WWOX: variants seen among roughly 807,000 people sequenced by gnomAD.
The protein encoded by WWOX is WW domain-containing oxidoreductase.
WWOX carries 69 observed loss-of-function variants against 46.2 expected under a neutral mutation model. The ratio of observed to expected loss-of-function variants is 1.49; its 90% confidence interval spans 1.23 to 1.82. The LOEUF (loss-of-function observed/expected upper bound fraction) is 1.82. Ranked by LOEUF, WWOX falls within the 40% of genes most tolerant of loss-of-function variation. WWOX has a pLI of 0.00. For missense variants in WWOX, 919 were observed against 542.6 expected (o/e 1.69, Z -6.89); for synonymous variants, 359 against 202.6 (o/e 1.77, Z -6.56).
intron 8 of WWOX, among the ~76,000 whole-genome samples, chr16:78,581,830 A>G (rs754063005): frequency 2.0e-5 from 3 of 152,186 alleles, no homozygotes; most frequent in Non-Finnish European, 2.9e-5. Flanking sequence ...AGTTGATTTC[A>G]TATCCTTTTA....
chr16:79,008,857 G>A (rs181886483), intron 8 of WWOX, among the ~76,000 whole-genome samples: 1 of 151,506 alleles, frequency 6.6e-6, no homozygotes, highest in East Asian at 2.0e-4. Flanking sequence ...AGGTGGCAGG[G>A]CCTTTAATTG....
chr16:79,010,616 T>C (rs998585735), intron 8 of WWOX, among the ~76,000 whole-genome samples: 1 of 151,966 alleles, frequency 6.6e-6, no homozygotes, highest in African/African-American at 2.4e-5. Context: ...GGGAGTGGTA[T>C]GAAACAAATC....
chr16:78,789,727 A>G (rs903562852), intron 8 of WWOX, among the ~76,000 whole-genome samples: 4 of 152,210 alleles, frequency 2.6e-5, no homozygotes, highest in African/African-American at 9.6e-5. Context: ...TTGAACAGTC[A>G]TCAGCTCTTG....
intron 8 of WWOX, among the ~76,000 whole-genome samples, chr16:78,730,224 GTC>G (rs1484191501): frequency 1.3e-5 from 2 of 152,026 alleles, no homozygotes; most frequent in East Asian, 1.9e-4. Flanking sequence ...CCCAAAAAGC[GTC>G]TCTGTCAGGA....
At chr16:78,419,964 G>T (rs1344248564) in intron 6 of WWOX, among the ~76,000 whole-genome samples, 1 of 152,022 alleles carries the variant, frequency 6.6e-6, no homozygotes, top group East Asian at 1.9e-4. Context: ...TAAAAAATGA[G>T]CATAAGATCT....
chr16:78,722,572 C>T (rs1351349927), intron 8 of WWOX, among the ~76,000 whole-genome samples: 9 of 152,038 alleles, frequency 5.9e-5, no homozygotes, highest in Admixed American at 5.9e-4. Context: ...TCTGCCCCTC[C>T]AGTAGCTGTA....
chr16:78,700,018 G>A (rs1423493823), intron 8 of WWOX, among the ~76,000 whole-genome samples: 5 of 151,984 alleles, frequency 3.3e-5, no homozygotes, highest in African/African-American at 1.2e-4. Context: ...TCCTGCGGTG[G>A]GTGGATACTT....
Position 78,422,760 on chromosome 16 carries a change from C to CACATAT in WWOX, c.606-2109_606-2108insCATATA, listed in dbSNP as rs1454124600. On this transcript the variant is annotated intron_variant, in intron 6 of 8. Coordinates refer to ENST00000566780, the MANE Select transcript of WWOX (RefSeq NM_016373.4). Reference sequence around the variant, plus strand: ...ACACATATATATACACATATATACACATATATATACACACATATATATATA... The same window carrying CACATAT: ...ACACATATATATACACATATATACACACATATATATATATACACACATATATATATA... Among the ~76,000 whole-genome samples, 807 of 113,844 alleles carry CACATAT rather than the reference C, an allele frequency of 7.1e-3. 52 individuals carry two copies. The highest frequency in any genetic ancestry group is 0.038 in the African/African-American group (737 of 19,312). The allele number at this position is 113,844 out of a possible 152,430, so 74.7% of individuals were successfully genotyped here. A position where few individuals can be genotyped will look rare whatever the true frequency, so the allele number is the denominator to read the frequency against.
chr16:78,419,627 A>G lies in WWOX; in HGVS notation c.606-5243A>G, dbSNP rs1352872685. On this transcript the variant is annotated intron_variant, in intron 6 of 8. Coordinates refer to ENST00000566780, the MANE Select transcript of WWOX (RefSeq NM_016373.4). ...ATAAACTACACAGCAAAAAATAGCAAAAAAAAAAAAAAAAAAAAAAAAAGG... is the reference window on the plus strand; with the variant it reads ...ATAAACTACACAGCAAAAAATAGCAGAAAAAAAAAAAAAAAAAAAAAAAGG... Among the ~76,000 whole-genome samples, 944 of 96,772 alleles carry G rather than the reference A, an allele frequency of 9.8e-3. 4 individuals are homozygous for G. The highest frequency in any genetic ancestry group is 0.012 in the Non-Finnish European group (716 of 58,416). The allele number at this position is 96,772 out of a possible 152,430, so 63.5% of individuals were successfully genotyped here.
chr16:78,740,317 G>T (rs541224765), intron 8 of WWOX, among the ~76,000 whole-genome samples: 20 of 152,264 alleles, frequency 1.3e-4, no homozygotes, highest in African/African-American at 4.6e-4. Flanking sequence ...TTACCCGTCG[G>T]GGGGCTCCTG....
chr16:79,049,557 G>C (rs956710964), intron 8 of WWOX, among the ~76,000 whole-genome samples: 1 of 152,182 alleles, frequency 6.6e-6, no homozygotes, highest in Non-Finnish European at 1.5e-5. Flanking sequence ...CATCTGAGTG[G>C]CAGGGCGCAG....
chr16:78,314,375 C>T (rs1318671806), intron 5 of WWOX, among the ~76,000 whole-genome samples: 7 of 140,044 alleles, frequency 5.0e-5, no homozygotes, highest in East Asian at 2.3e-4. Flanking sequence ...CACTGCACTC[C>T]AGCCTGAGCA....
At chr16:78,935,950 C>G (rs368927173) in intron 8 of WWOX, among the ~76,000 whole-genome samples, 12 of 152,010 alleles carry the variant, frequency 7.9e-5, no homozygotes, top group African/African-American at 2.9e-4. Context: ...GCAGCAGCAG[C>G]TAGGTTCCAA....
chr16:79,042,691 C>A (rs2047994344), intron 8 of WWOX, among the ~76,000 whole-genome samples: 1 of 149,898 alleles, frequency 6.7e-6, no homozygotes, highest in Non-Finnish European at 1.5e-5. Flanking sequence ...AGAATAGCTT[C>A]AGGAAGACTT....
chr16:78,672,407 G>T (rs772072643), intron 8 of WWOX, among the ~76,000 whole-genome samples: 5 of 152,184 alleles, frequency 3.3e-5, no homozygotes, highest in Non-Finnish European at 7.3e-5. Context: ...CCAGAAAATA[G>T]TGTATGGATT....
intron 5 of WWOX, among the ~76,000 whole-genome samples, chr16:78,245,605 A>AT (rs1327128397): frequency 6.6e-6 from 1 of 152,178 alleles, no homozygotes; most frequent in Non-Finnish European, 1.5e-5. Flanking sequence ...AGCTTATTTT[A>AT]TTTTAAAGTC....
intron 4 of WWOX, among the ~76,000 whole-genome samples, chr16:78,162,411 C>T (rs2034824666): frequency 1.3e-5 from 2 of 152,162 alleles, no homozygotes; most frequent in East Asian, 1.9e-4. Flanking sequence ...TCTACACACA[C>T]ATACACACAT....
chr16:78,811,493 CTCTTTCTTT>C (rs1216890403), intron 8 of WWOX, among the ~76,000 whole-genome samples: 1 of 151,630 alleles, frequency 6.6e-6, no homozygotes, highest in Non-Finnish European at 1.5e-5. Flanking sequence ...CTCTCCCTCC[CTCTTTCTTT>C]TCTTTCTTTT....
rs894704168 is a variant in WWOX, at chr16:78,418,246, C to T, written c.606-6624C>T. On this transcript the variant is annotated intron_variant, in intron 6 of 8. Coordinates refer to ENST00000566780, the MANE Select transcript of WWOX (RefSeq NM_016373.4). ...GGGCGTGGTGGCGGGCACCTGTAGG[C>T]CCAGCTACTTGGGAGGCTGAGGCAG... is the stretch of plus-strand genomic sequence containing the variant. 6.8e-4 allele frequency among the ~76,000 whole-genome samples: 103 copies of T among 152,128 alleles called. 1 individual carries two copies. The highest frequency in any genetic ancestry group is 2.4e-3 in the African/African-American group (99 of 41,482).
Sources: allele counts gnomAD v4.1 joint callset (sites outside exome capture counted in the v4.1 genomes callset), GRCh38; gene constraint gnomAD v4.1.1; transcripts MANE v1.5; gene names NCBI Gene and HGNC (gene_info 2026-07-23, HGNC 2026-07-21).